ZNHIT6: variants seen among roughly 807,000 people sequenced by gnomAD.
ZNHIT6 encodes the protein box C/D snoRNA protein 1.
Under a neutral mutation model 57.2 loss-of-function variants are expected in ZNHIT6, and 45 were observed. The observed-to-expected ratio is 0.79, with a 90% CI of 0.62 to 1.01. The LOEUF (loss-of-function observed/expected upper bound fraction) is 1.01. ZNHIT6 is among the 50% of genes least tolerant of loss of function. The probability of loss-of-function intolerance (pLI) is 0.00; values close to 1 mark genes in which losing one functional copy is unlikely to be tolerated. For missense variants in ZNHIT6, 528 were observed against 567.3 expected, an observed-to-expected ratio of 0.93 and a Z score of 0.70; for synonymous variants, 188 against 190.0, an observed-to-expected ratio of 0.99 and a Z score of 0.09.
intron 8 of ZNHIT6, among the ~76,000 whole-genome samples, chr1:85,667,961 A>AAAAAAAAAAAAAAAAAATATATATAT: frequency 2.2e-4 from 4 of 18,196 alleles, no homozygotes; most frequent in African/African-American, 6.4e-4. Flanking sequence ...AAAAAAAAAA[A>AAAAAAAAAAAAAAAAAATATATATAT]ATATATATAT....
intron 9 of ZNHIT6, among the ~76,000 whole-genome samples, chr1:85,655,642 AT>A (rs1170048867): frequency 6.6e-6 from 1 of 152,164 alleles, no homozygotes; most frequent in Non-Finnish European, 1.5e-5. Flanking sequence ...GAAATGCAGC[AT>A]GCTTTTCTCC....
intron 5 of ZNHIT6, among the ~76,000 whole-genome samples, chr1:85,682,526 T>C (rs1410959144): frequency 2.0e-5 from 3 of 152,156 alleles, no homozygotes; most frequent in Non-Finnish European, 2.9e-5. Flanking sequence ...CAGAAAGCAC[T>C]TAACATTCCA....
chr1:85,696,767 C>T (rs1662382264), intron 5 of ZNHIT6, among the ~76,000 whole-genome samples: 1 of 151,814 alleles, frequency 6.6e-6, no homozygotes, highest in East Asian at 1.9e-4. Flanking sequence ...CTGGTTAATC[C>T]ATACTTTCAT....
chr1:85,696,445 G>A (rs2100709875), intron 5 of ZNHIT6, among the ~76,000 whole-genome samples: 1 of 151,958 alleles, frequency 6.6e-6, no homozygotes, highest in East Asian at 1.9e-4. Flanking sequence ...ATGGCTGCAT[G>A]GAATTCCATG....
chr1:85,700,805 C>T (rs918656510), intron 5 of ZNHIT6, among the ~76,000 whole-genome samples: 3 of 152,134 alleles, frequency 2.0e-5, no homozygotes, highest in Admixed American at 6.5e-5. Context: ...AAATGCAAGA[C>T]ATTACTTTAC....
chr1:85,653,956 C>G lies in ZNHIT6; in HGVS notation c.*102G>C. 1 of 847,806 alleles carries G rather than the reference C, an allele frequency of 1.2e-6. No homozygotes were observed. The highest frequency in any genetic ancestry group is 1.7e-5 in the South Asian group (1 of 59,482). 52.5% of individuals were successfully genotyped at this position (847,806 alleles called of 1,614,324 possible). On this transcript the variant is annotated 3_prime_UTR_variant, in exon 10 of 10. Coordinates refer to ENST00000370574, the MANE Select transcript of ZNHIT6 (RefSeq NM_017953.4). ...TTATTTTTCATACAAAGAAAAAATTCCAATCACCCATTGACAATACCCCAA... is the reference window on the plus strand; with the variant it reads ...TTATTTTTCATACAAAGAAAAAATTGCAATCACCCATTGACAATACCCCAA...
intron 8 of ZNHIT6, among the ~76,000 whole-genome samples, chr1:85,665,886 G>A (rs1661356858): frequency 6.6e-6 from 1 of 152,122 alleles, no homozygotes; most frequent in Non-Finnish European, 1.5e-5. Context: ...GAGTTGGCAG[G>A]AACTTACAAC....
In ZNHIT6 at chr1:85,667,946, T is replaced by TAAAAAAAAAAAAAAAAA. The variant is rs1471641849; in HGVS notation, c.1247+9289_1247+9290insTTTTTTTTTTTTTTTTT. Among the ~76,000 whole-genome samples the TAAAAAAAAAAAAAAAAA allele has an allele frequency of 7.2e-3, 27 of 3,742 alleles. 2 individuals are homozygous for TAAAAAAAAAAAAAAAAA. The highest frequency in any genetic ancestry group is 0.011 in the Non-Finnish European group (21 of 1,852). The allele number at this position is 3,742 out of a possible 152,430, so 2.5% of individuals were successfully genotyped here. On this transcript the variant is annotated intron_variant, in intron 8 of 9. Transcript: ENST00000370574. ...GAGACTCATTCACTCACTCTCTCTT[T>TAAAAAAAAAAAAAAAAA]CAAAAAAAAAAAAAAATATATATAT...
intron 8 of ZNHIT6, among the ~76,000 whole-genome samples, chr1:85,668,685 C>T (rs1661455314): frequency 6.6e-6 from 1 of 152,112 alleles, no homozygotes; most frequent in Admixed American, 6.5e-5. Context: ...CAATTATTCA[C>T]TGTAAGTCTA....
intron 8 of ZNHIT6, among the ~76,000 whole-genome samples, chr1:85,668,358 G>A (rs1661447232): frequency 6.6e-6 from 1 of 151,940 alleles, no homozygotes; most frequent in African/African-American, 2.4e-5. Flanking sequence ...TATCAACTTG[G>A]TATCCATTAA....
At chr1:85,705,053 T>A (rs1178372383) in intron 4 of ZNHIT6, among the ~76,000 whole-genome samples, 1 of 152,162 alleles carries the variant, frequency 6.6e-6, no homozygotes. Context: ...CTCACAAGGA[T>A]CATGGGAAGA....
chr1:85,673,830 T>C (rs1236207475), intron 8 of ZNHIT6, among the ~76,000 whole-genome samples: 1 of 152,200 alleles, frequency 6.6e-6, no homozygotes, highest in African/African-American at 2.4e-5. Flanking sequence ...TTCATGAGTA[T>C]GTTACAGAGA....
At chr1:85,658,053 T>C (rs1490720003) in intron 8 of ZNHIT6, 82 bp from the exon 9 acceptor site, 1 of 995,592 alleles carries the variant, frequency 1.0e-6, no homozygotes, top group Non-Finnish European at 1.4e-6. Context: ...GAGAGTATTT[T>C]ACATTAAAAA....
chr1:85,694,703 G>A (rs1406767576), intron 5 of ZNHIT6, among the ~76,000 whole-genome samples: 12 of 152,206 alleles, frequency 7.9e-5, no homozygotes, highest in South Asian at 2.1e-4. Flanking sequence ...CTCGTGATCC[G>A]CCCGCCTTGG....
At position 85,688,387 on chromosome 1, in the gene ZNHIT6, C is replaced by T. The variant is rs577535910; in HGVS notation, c.1020-7483G>A. 3.1e-4 allele frequency among the ~76,000 whole-genome samples: 47 copies of T among 152,282 alleles called. 1 individual carries two copies. Among genetic ancestry groups the T allele is most frequent in the African/African-American group, 1.1e-3 (44 of 41,564 alleles). ...CATACTCTGATCTGCTATATTATTACGAGCTTTCTAGAATTGAAAGTTCAA... is the reference window on the plus strand; with the variant it reads ...CATACTCTGATCTGCTATATTATTATGAGCTTTCTAGAATTGAAAGTTCAA... On this transcript the variant is annotated intron_variant, in intron 5 of 9. Coordinates refer to ENST00000370574, the MANE Select transcript of ZNHIT6 (RefSeq NM_017953.4).
Position 85,694,461 on chromosome 1 carries a change from C to T in ZNHIT6, c.1019+7696G>A, listed in dbSNP as rs1054900948. The stretch of plus-strand genomic sequence containing the variant: ...TTTCAACTTTATGTTTCAAATTTTT[C>T]GTTTTTCTTTTTTTTTTTGAGACGG... On this transcript the variant is annotated intron_variant, in intron 5 of 9. Coordinates refer to ENST00000370574, the MANE Select transcript of ZNHIT6 (RefSeq NM_017953.4). 8.7e-5 allele frequency among the ~76,000 whole-genome samples: 8 copies of T among 91,534 alleles called. No individual in the cohort carries two copies. In the East Asian group the frequency reaches 1.0e-3, roughly 12 times the overall value. 60.0% of individuals were successfully genotyped at this position (91,534 alleles called of 152,430 possible). A position where few individuals can be genotyped will look rare whatever the true frequency, so the allele number is the denominator to read the frequency against.
chr1:85,704,594 C>A (rs368490479), intron 4 of ZNHIT6, among the ~76,000 whole-genome samples: 2 of 151,710 alleles, frequency 1.3e-5, no homozygotes, highest in African/African-American at 4.8e-5. Flanking sequence ...AGAAAATATA[C>A]TTGCTATATT....
intron 8 of ZNHIT6, among the ~76,000 whole-genome samples, chr1:85,665,883 C>T (rs570917072): frequency 1.2e-4 from 18 of 152,114 alleles, no homozygotes; most frequent in Non-Finnish European, 2.5e-4. Context: ...TTAGAGTTGG[C>T]AGGAACTTAC....
intron 8 of ZNHIT6, among the ~76,000 whole-genome samples, chr1:85,675,349 C>T (rs1249359806): frequency 1.3e-5 from 2 of 152,228 alleles, no homozygotes; most frequent in Admixed American, 6.5e-5. Context: ...AATGTTATAA[C>T]TTTCCTTCTT....
Sources: allele counts gnomAD v4.1 joint callset (sites outside exome capture counted in the v4.1 genomes callset), GRCh38; gene constraint gnomAD v4.1.1; transcripts MANE v1.5; gene names NCBI Gene and HGNC (gene_info 2026-07-23, HGNC 2026-07-21).